The following CFDP1 variants were observed in gnomAD, a reference collection of about 807,000 sequenced individuals.
The protein encoded by CFDP1 is heterochromatin-stabilizing protein CFDP1.
A neutral mutation model predicts 40.1 loss-of-function variants in CFDP1; 31 were observed. The ratio of observed to expected loss-of-function variants is 0.77; its 90% CI spans 0.58 to 1.04. The LOEUF (loss-of-function observed/expected upper bound fraction) is 1.04. CFDP1 is among the 50% of genes least tolerant of loss of function. The pLI is 0.00. For missense variants in CFDP1, 423 were observed against 343.4 expected (o/e 1.23, Z -1.83); for synonymous variants, 167 against 120.0 (o/e 1.39, Z -2.56).
rs554320141 is a variant in CFDP1 at position 75,420,711 on chromosome 16, T to C, written c.65-6016A>G. Among the ~76,000 whole-genome samples, 11 of 152,290 alleles carry C rather than the reference T, an allele frequency of 7.2e-5. No individual in the cohort carries two copies. The South Asian group carries it at 2.1e-3, about 29-fold the overall frequency. ...GAAATCATCCACTAAAAAGAGTAGGTTGAAAAGCGATGTGAGTAAATACAA... is the reference window on the plus strand; with the variant it reads ...GAAATCATCCACTAAAAAGAGTAGGCTGAAAAGCGATGTGAGTAAATACAA... On this transcript the variant is annotated intron_variant, in intron 1 of 6. Coordinates refer to ENST00000283882, the MANE Select transcript of CFDP1 (RefSeq NM_006324.3).
chr16:75,370,097 C>T (rs1222987071), intron 5 of CFDP1, among the ~76,000 whole-genome samples: 2 of 142,128 alleles, frequency 1.4e-5, no homozygotes, highest in Admixed American at 1.4e-4. Flanking sequence ...TTATTTATTA[C>T]TTTTTTTTTT....
intron 4 of CFDP1, among the ~76,000 whole-genome samples, chr16:75,401,573 C>T (rs1463752748): frequency 6.6e-6 from 1 of 151,964 alleles, no homozygotes; most frequent in African/African-American, 2.4e-5. Flanking sequence ...ACACTCCAGT[C>T]TGGGCGACAA....
At chr16:75,397,914 T>C (rs891206678) in intron 4 of CFDP1, among the ~76,000 whole-genome samples, 2 of 152,244 alleles carry the variant, frequency 1.3e-5, no homozygotes, top group African/African-American at 4.8e-5. Context: ...AATGAAGTAT[T>C]AGCTGATCTG....
chr16:75,353,175 G>A (rs1465839878), intron 5 of CFDP1, among the ~76,000 whole-genome samples: 6 of 152,194 alleles, frequency 3.9e-5, no homozygotes, highest in Non-Finnish European at 1.5e-5. Flanking sequence ...CAACTGCCAT[G>A]TATAGACCTT....
At chr16:75,361,464 A>G (rs1320756833) in intron 5 of CFDP1, among the ~76,000 whole-genome samples, 2 of 152,136 alleles carry the variant, frequency 1.3e-5, no homozygotes, top group African/African-American at 2.4e-5. Context: ...TAAAAATACA[A>G]TAATTAGCCA....
chr16:75,314,062 T>G (rs542249482), intron 5 of CFDP1, among the ~76,000 whole-genome samples: 1 of 152,198 alleles, frequency 6.6e-6, no homozygotes, highest in Admixed American at 6.5e-5. Context: ...TTTTTGCATT[T>G]TTAATAGACA....
chr16:75,356,902 GCTTTCTTT>G (rs369482458), intron 5 of CFDP1, among the ~76,000 whole-genome samples: 22 of 129,018 alleles, frequency 1.7e-4, no homozygotes, highest in Admixed American at 5.9e-4. Context: ...GGAAACAGCT[GCTTTCTTT>G]CTTTTTTTTT....
At chr16:75,300,164 G>A (rs1053741960) in intron 6 of CFDP1, among the ~76,000 whole-genome samples, 1 of 152,202 alleles carries the variant, frequency 6.6e-6, no homozygotes, top group Admixed American at 6.5e-5. Flanking sequence ...AGATGTCTGC[G>A]GCCTGTACTG....
chr16:75,300,787 GA>G (rs1263893986), intron 6 of CFDP1, among the ~76,000 whole-genome samples: 1 of 151,622 alleles, frequency 6.6e-6, no homozygotes, highest in African/African-American at 2.4e-5. Context: ...CAGGGCAGGG[GA>G]TACTTTTTTT....
chr16:75,391,166 C>T (rs1386537104), intron 5 of CFDP1: 1 of 152,140 alleles, frequency 6.6e-6, no homozygotes, highest in Non-Finnish European at 1.5e-5. Flanking sequence ...CTGAAACATA[C>T]AGTTTCCAAG....
At chr16:75,305,301 G>A (rs2078249555) in intron 5 of CFDP1, 119 bp from the exon 6 acceptor site, 1 of 988,332 alleles carries the variant, frequency 1.0e-6, no homozygotes. Context: ...TGGAAGCCAT[G>A]TTCATATTTG....
intron 5 of CFDP1, among the ~76,000 whole-genome samples, chr16:75,350,157 C>T (rs951234752): frequency 6.6e-6 from 1 of 152,108 alleles, no homozygotes; most frequent in African/African-American, 2.4e-5. Context: ...AGTTGAAAGT[C>T]ATTTGAGTAC....
At chr16:75,296,429 G>T (rs974694661) in intron 6 of CFDP1, among the ~76,000 whole-genome samples, 1 of 151,750 alleles carries the variant, frequency 6.6e-6, no homozygotes, top group Non-Finnish European at 1.5e-5. Flanking sequence ...TAAAGATAGG[G>T]TCTCTCCATG....
chr16:75,410,657 C>A (rs990564903), intron 4 of CFDP1, among the ~76,000 whole-genome samples: 9 of 151,074 alleles, frequency 6.0e-5, no homozygotes, highest in Non-Finnish European at 7.4e-5. Flanking sequence ...ACCTGTAATC[C>A]CAGCACTTTG....
chr16:75,428,843 G>A (rs930207304), intron 1 of CFDP1, among the ~76,000 whole-genome samples: 2 of 151,482 alleles, frequency 1.3e-5, no homozygotes, highest in Non-Finnish European at 2.9e-5. Flanking sequence ...CAGGCCAGGC[G>A]TAGAGGCTCA....
At chr16:75,304,714 G>A (rs1486505674) in intron 6 of CFDP1, among the ~76,000 whole-genome samples, 1 of 152,198 alleles carries the variant, frequency 6.6e-6, no homozygotes, top group Non-Finnish European at 1.5e-5. Flanking sequence ...GCTACCACAG[G>A]CCAGATCCAA....
At chr16:75,319,258 G>C (rs887880676) in intron 5 of CFDP1, among the ~76,000 whole-genome samples, 7 of 152,046 alleles carry the variant, frequency 4.6e-5, no homozygotes, top group African/African-American at 1.7e-4. Flanking sequence ...TGGCCAGGAT[G>C]GTCTTGATCT....
chr16:75,331,378 A>T (rs1597336151), intron 5 of CFDP1, among the ~76,000 whole-genome samples: 1 of 152,318 alleles, frequency 6.6e-6, no homozygotes, highest in Admixed American at 6.5e-5. Context: ...CGGCCTCCCA[A>T]AGTGCTGGGA....
chr16:75,303,502 G>GTCC (rs768700594), intron 6 of CFDP1, among the ~76,000 whole-genome samples: 1 of 56,902 alleles, frequency 1.8e-5, no homozygotes, highest in Non-Finnish European at 4.2e-5. Flanking sequence ...TTAGAAATAT[G>GTCC]ACCCCCCCCA....
Sources: gnomAD v4.1 joint callset for allele counts (sites outside exome capture counted in the v4.1 genomes callset) on GRCh38, gnomAD v4.1.1 for gene constraint, MANE v1.5 for transcripts, NCBI Gene and HGNC (gene_info 2026-07-23, HGNC 2026-07-21) for gene names.